DNMT1: variants seen among roughly 807,000 people sequenced by gnomAD.
DNMT1 encodes the protein DNA methyltransferase 1, also known as DNA (cytosine-5)-methyltransferase 1.
In DNMT1, 24 loss-of-function variants were observed where a neutral mutation model predicts 205.3. The observed-to-expected ratio is 0.12, with a 90% CI of 0.08 to 0.16. DNMT1 has a LOEUF of 0.16. DNMT1 is among the 10% of genes least tolerant of loss of function. The probability of loss-of-function intolerance (pLI) is 1.00; values close to 1 mark genes in which losing one functional copy is unlikely to be tolerated. For missense variants in DNMT1, 1,293 were observed against 2,177.7 expected, an observed-to-expected ratio of 0.59 and a Z score of 8.09; for synonymous variants, 817 against 839.8, an observed-to-expected ratio of 0.97 and a Z score of 0.47.
Position 10,148,988 on chromosome 19 carries a change from C to G in DNMT1, c.2616G>C (p.Glu872Asp). 2 of 1,614,162 alleles carry G rather than the reference C, an allele frequency of 1.2e-6. No homozygotes were observed. Among genetic ancestry groups the G allele is most frequent in the Non-Finnish European group, 1.7e-6 (2 of 1,180,030 alleles). Residue 872 changes from glutamate (E) to aspartate (D), a missense_variant, in exon 27 of 41, where the codon GAG (glutamate) becomes GAC (aspartate). Transcript: ENST00000359526. ...EGGMDPESLL[E>D]GDDGKTYFYQ... ...AGAAGTAGGTCTTCCCGTCGTCCCCCTCCAGCAGGGACTCGGGATCCATGC... is the reference window on the plus strand; with the variant it reads ...AGAAGTAGGTCTTCCCGTCGTCCCCGTCCAGCAGGGACTCGGGATCCATGC...
Position 10,140,989 on chromosome 19 carries a change from G to A in DNMT1, c.3395-80C>T. On this transcript the variant is annotated intron_variant, in intron 31 of 40. Coordinates refer to ENST00000359526, the MANE Select transcript of DNMT1 (RefSeq NM_001130823.3). This position sits in a 1 kb window ranked among gnomAD's most constrained non-coding sequence, Gnocchi z 8.4. Reference sequence around the variant, plus strand: ...GCTCTCAAGCGCCTTGTTAACTCAGGCGGCCTCGCTGTCCCAGAGTCAGTA... The same window carrying A: ...GCTCTCAAGCGCCTTGTTAACTCAGACGGCCTCGCTGTCCCAGAGTCAGTA... 1 of 1,613,546 alleles carries A rather than the reference G, an allele frequency of 6.2e-7. No homozygotes were observed. The highest frequency in any genetic ancestry group is 1.7e-5 in the Admixed American group (1 of 60,014).
chr19:10,186,581 G>A (rs1258356146), intron 1 of DNMT1, among the ~76,000 whole-genome samples: 1 of 152,002 alleles, frequency 6.6e-6, no homozygotes, highest in African/African-American at 2.4e-5. Context: ...GCTCATGCCT[G>A]TAATCCCAGC....
chr19:10,177,941 A>AG (rs1160665055), intron 5 of DNMT1, among the ~76,000 whole-genome samples: 1 of 151,580 alleles, frequency 6.6e-6, no homozygotes, highest in Non-Finnish European at 1.5e-5. Flanking sequence ...CTTAAAAAAA[A>AG]AAAAAAAAGA....
intron 1 of DNMT1, among the ~76,000 whole-genome samples, chr19:10,191,326 C>A: frequency 6.8e-6 from 1 of 147,696 alleles, no homozygotes; most frequent in African/African-American, 2.5e-5. Context: ...TGTTGGATAC[C>A]ATGTTTATTT....
intron 1 of DNMT1, among the ~76,000 whole-genome samples, chr19:10,193,336 G>A (rs2039337068): frequency 6.6e-6 from 1 of 152,050 alleles, no homozygotes; most frequent in South Asian, 2.1e-4. Flanking sequence ...CTGGACAACA[G>A]AGTGAGACCC....
chr19:10,185,513 G>A (rs918843158), intron 1 of DNMT1, among the ~76,000 whole-genome samples: 1 of 151,588 alleles, frequency 6.6e-6, no homozygotes. Flanking sequence ...TATATATACT[G>A]TATCACTTGG....
chr19:10,153,781 G>T (rs75027660), intron 22 of DNMT1, among the ~76,000 whole-genome samples: 31 of 152,282 alleles, frequency 2.0e-4, no homozygotes, highest in African/African-American at 7.0e-4. Flanking sequence ...GGGATCAAAA[G>T]CAAAGCCCTG....
Position 10,151,892 on chromosome 19 carries a change from G to A in DNMT1, c.2020-45C>T. On this transcript the variant is annotated intron_variant, in intron 22 of 40. Coordinates refer to ENST00000359526, the MANE Select transcript of DNMT1 (RefSeq NM_001130823.3). The surrounding 1 kb of genome is among the most constrained non-coding windows in gnomAD (Gnocchi z 5.0). ...AGGCAAATCAGGGCTGGGCACAGTG[G>A]TTCATGCCTGTAATCCCAGTATTTC... is the stretch of plus-strand genomic sequence containing the variant. 2.5e-6 allele frequency: 4 copies of A among 1,569,068 alleles called. No individual in the cohort carries two copies. The highest frequency in any genetic ancestry group is 3.5e-6 in the Non-Finnish European group (4 of 1,139,744).
At chr19:10,166,462 A>G (rs1345236405) in intron 11 of DNMT1, 136 bp downstream of exon 11, 3 of 1,043,632 alleles carry the variant, frequency 2.9e-6, no homozygotes, top group African/African-American at 1.6e-5. Flanking sequence ...TGACCTTCCC[A>G]GAGTCTGGAT....
At position 10,155,174 on chromosome 19, in the gene DNMT1, C is replaced by T. The variant is rs2038430752; in HGVS notation, c.1493-118G>A. 5.1e-6 allele frequency: 7 copies of T among 1,362,098 alleles called. No individual in the cohort carries two copies. The Admixed American group carries it at 1.1e-4, about 22-fold the overall frequency. The allele number at this position is 1,362,098 out of a possible 1,614,324, so 84.4% of individuals were successfully genotyped here. On this transcript the variant is annotated intron_variant, in intron 19 of 40. Coordinates refer to ENST00000359526, the MANE Select transcript of DNMT1 (RefSeq NM_001130823.3). Reference sequence around the variant, plus strand: ...AACAGTCTAAAAGTCATCCCGTACCCAAATGTCAGAAACATAGGGCACAAC... The same window carrying T: ...AACAGTCTAAAAGTCATCCCGTACCTAAATGTCAGAAACATAGGGCACAAC...
intron 17 of DNMT1, among the ~76,000 whole-genome samples, chr19:10,158,666 T>A (rs972588223): frequency 6.6e-6 from 1 of 152,140 alleles, no homozygotes; most frequent in East Asian, 1.9e-4. Flanking sequence ...TGAGCCTCGG[T>A]GAAGGTACGG....
At position 10,154,284 on chromosome 19, in the gene DNMT1, T is replaced by G; in HGVS notation, c.2019+9A>C. 1 of 1,613,954 alleles carries G rather than the reference T, an allele frequency of 6.2e-7. No homozygotes were observed. Among genetic ancestry groups the G allele is most frequent in the Non-Finnish European group, 8.5e-7 (1 of 1,179,878 alleles). On this transcript the variant is annotated intron_variant, in intron 22 of 40. Coordinates refer to ENST00000359526, the MANE Select transcript of DNMT1 (RefSeq NM_001130823.3). This position sits in a 1 kb window ranked among gnomAD's most constrained non-coding sequence, Gnocchi z 6.3. ...TTAGGGGAGCGGGAGCACCCACAGG[T>G]GAGGTTACCTCACAGACGCCACATC... is the stretch of plus-strand genomic sequence containing the variant.
chr19:10,194,062 C>T (rs1394905585), intron 1 of DNMT1, among the ~76,000 whole-genome samples: 1 of 152,198 alleles, frequency 6.6e-6, no homozygotes, highest in Non-Finnish European at 1.5e-5. Flanking sequence ...GTAGCCAGTT[C>T]TCATTAGCAA....
Position 10,180,414 on chromosome 19 carries a change from G to A in DNMT1, c.381C>T (p.Ser127=), listed in dbSNP as rs762907120. 1.9e-6 allele frequency: 3 copies of A among 1,614,066 alleles called. No homozygotes were observed. Among genetic ancestry groups the A allele is most frequent in the Non-Finnish European group, 2.5e-6 (3 of 1,180,032 alleles). The part of the protein sequence containing the change: ...ARRVGMADAN[S]PPKPLSKPRT... ...GAGGTTTGGAAAGGGGTTTGGGGGG[G>A]CTGTTGGCATCTGCCATTCCCACTC... The change falls in exon 4 of 41, where the codon AGC becomes AGT. Residue 127 remains serine, a synonymous_variant. Transcript: ENST00000359526.
At chr19:10,171,410 G>T (rs1244945966) in intron 9 of DNMT1, among the ~76,000 whole-genome samples, 1 of 152,144 alleles carries the variant, frequency 6.6e-6, no homozygotes, top group Non-Finnish European at 1.5e-5. Context: ...GGTGGCTCGT[G>T]CCTGTAATCC....
chr19:10,136,405 GT>G, intron 37 of DNMT1, 118 bp from the exon 38 acceptor site: 1 of 1,308,874 alleles, frequency 7.6e-7, no homozygotes, highest in Admixed American at 2.0e-5. Context: ...GCCCCCTGGG[GT>G]GGAGCAGCCA....
chr19:10,154,564 C>G lies in DNMT1; in HGVS notation c.1832+22G>C. On this transcript the variant is annotated intron_variant, in intron 21 of 40. Transcript: ENST00000359526. The surrounding 1 kb of genome is among the most constrained non-coding windows in gnomAD (Gnocchi z 6.3). Reference sequence around the variant, plus strand: ...CCCTCCCCGGTCTCCAGTCTTCACTCTGGTCCCTGCCGCATCCTTACCTCT... The same window carrying G: ...CCCTCCCCGGTCTCCAGTCTTCACTGTGGTCCCTGCCGCATCCTTACCTCT... The G allele has an allele frequency of 6.2e-7, 1 of 1,613,874 alleles. No individual in the cohort carries two copies. Among genetic ancestry groups the G allele is most frequent in the South Asian group, 1.1e-5 (1 of 91,072 alleles).
In DNMT1 at chr19:10,175,567, C is replaced by T; in HGVS notation, c.621G>A (p.Glu207=). Reference sequence around the variant, plus strand: ...GGTCTTTGTCTTCTTCCTTGATGGACTCATCCGATTTGGCTCTTTCAGACT... The same window carrying T: ...GGTCTTTGTCTTCTTCCTTGATGGATTCATCCGATTTGGCTCTTTCAGACT... ...QEESERAKSD[E]SIKEEDKDQD... The change falls in exon 7 of 41, where the codon GAG becomes GAA. Residue 207 remains glutamate (E), a synonymous_variant. Coordinates refer to ENST00000359526, the MANE Select transcript of DNMT1 (RefSeq NM_001130823.3). The T allele has an allele frequency of 6.2e-7, 1 of 1,614,028 alleles. No individual in the cohort carries two copies. Among genetic ancestry groups the T allele is most frequent in the South Asian group, 1.1e-5 (1 of 91,074 alleles).
chr19:10,159,914 A>G lies in DNMT1; in HGVS notation c.1098T>C (p.Pro366=). The G allele has an allele frequency of 1.2e-6, 2 of 1,614,176 alleles. No individual in the cohort carries two copies. The highest frequency in any genetic ancestry group is 8.5e-7 in the Non-Finnish European group (1 of 1,180,016). Residue 366 remains proline, a synonymous_variant, in exon 16 of 41, where the codon CCT becomes CCC. Coordinates refer to ENST00000359526, the MANE Select transcript of DNMT1 (RefSeq NM_001130823.3). The surrounding 1 kb of genome is among the most constrained non-coding windows in gnomAD (Gnocchi z 5.0). The stretch of plus-strand genomic sequence containing the variant: ...ACTGCCCGCACTGAATGCACTTGGG[A>G]GGGTGGGTCTGTGGGAGCAGGAACA... ...AKTVMNSKTH[P]PKCIQCGQYL...
Sources: allele counts gnomAD v4.1 joint callset (sites outside exome capture counted in the v4.1 genomes callset), GRCh38; gene constraint gnomAD v4.1.1; non-coding constraint Gnocchi (gnomAD v3.1); transcripts MANE v1.5; gene names NCBI Gene and HGNC (gene_info 2026-07-23, HGNC 2026-07-21).